The following TFEB variants were observed in gnomAD, a reference collection of about 807,000 sequenced individuals.
TFEB encodes transcription factor EB, also known as T-cell transcription factor EB.
TFEB carries 12 observed loss-of-function variants against 48.0 expected under a neutral mutation model. The ratio of observed to expected loss-of-function variants is 0.25; its 90% CI spans 0.16 to 0.40. The LOEUF is 0.40. Ranked by LOEUF, TFEB falls within the 10% of genes least tolerant of loss-of-function variation. The pLI is 1.00. For synonymous variants in TFEB, 244 were observed against 261.4 expected, an observed-to-expected ratio of 0.93 and a Z score of 0.64; for missense variants, 509 against 640.3, an observed-to-expected ratio of 0.79 and a Z score of 2.21.
chr6:41,726,629 T>C (rs11964074), intron 1 of TFEB, among the ~76,000 whole-genome samples: 6,593 of 152,162 alleles, frequency 0.043, 458 homozygotes, highest in African/African-American at 0.15. Flanking sequence ...TTAGTAGAGA[T>C]GGGGTTTCAC....
At chr6:41,711,223 G>C (rs1390558036) in intron 1 of TFEB, among the ~76,000 whole-genome samples, 18 of 152,172 alleles carry the variant, frequency 1.2e-4, no homozygotes, top group Admixed American at 1.2e-3. Flanking sequence ...TTACAAATGA[G>C]AAACAGGTAC....
At chr6:41,707,297 T>G (rs911523162) in intron 1 of TFEB, among the ~76,000 whole-genome samples, 1 of 152,172 alleles carries the variant, frequency 6.6e-6, no homozygotes, top group African/African-American at 2.4e-5. Context: ...CGGGCTGCCA[T>G]GGCTGGGCCT....
Position 41,684,508 on chromosome 6 carries a change from C to T in TFEB, c.*91G>A. On this transcript the variant is annotated 3_prime_UTR_variant, in exon 9 of 9. Coordinates refer to ENST00000373033, the MANE Select transcript of TFEB (RefSeq NM_001271944.2). ...AGGCAGGGCAGGTGGCTACTTCACACACAGTGCAGCCTGAAGGGTGGGAGG... is the reference window on the plus strand; with the variant it reads ...AGGCAGGGCAGGTGGCTACTTCACATACAGTGCAGCCTGAAGGGTGGGAGG... 7.0e-7 allele frequency: 1 copy of T among 1,434,516 alleles called. No homozygotes were observed. The highest frequency in any genetic ancestry group is 2.8e-5 in the Admixed American group (1 of 36,362). The allele number at this position is 1,434,516 out of a possible 1,614,324, so 88.9% of individuals were successfully genotyped here. A position where few individuals can be genotyped will look rare whatever the true frequency, so the allele number is the denominator to read the frequency against.
Position 41,684,904 on chromosome 6 carries a change from G to A in TFEB, c.1126C>T (p.Pro376Ser), listed in dbSNP as rs769115164. Residue 376 changes from proline to serine, a missense_variant, in exon 9 of 9, where the codon CCC becomes TCC. This residue lies in a region of TFEB where 168 missense variants were observed against 161.0 expected (regional missense o/e 1.04). Transcript: ENST00000373033. ...VPDPEPLPAL[P>S]PQAPLPLPTQ... ...GGCAGGGGCAGCGGGGCTTGCGGGGGCAGAGCTGGCAGTGGCTCAGGGTCA... is the reference window on the plus strand; with the variant it reads ...GGCAGGGGCAGCGGGGCTTGCGGGGACAGAGCTGGCAGTGGCTCAGGGTCA... The A allele has an allele frequency of 1.9e-6, 3 of 1,568,612 alleles. No individual in the cohort carries two copies. The highest frequency in any genetic ancestry group is 1.2e-5 in the South Asian group (1 of 83,824).
intron 1 of TFEB, among the ~76,000 whole-genome samples, chr6:41,710,669 G>T (rs573872922): frequency 6.6e-6 from 1 of 152,192 alleles, no homozygotes; most frequent in East Asian, 1.9e-4. Flanking sequence ...AAGTCCAAGC[G>T]CTCTAGTTGG....
upstream of TFEB, chr6:41,736,074 A>G (rs1269490168): frequency 6.9e-6 from 11 of 1,594,142 alleles, no homozygotes; most frequent in Non-Finnish European, 9.5e-6. Context: ...AGCCTGGCGA[A>G]GTACAGGGTA....
intron 1 of TFEB, among the ~76,000 whole-genome samples, chr6:41,695,775 C>CA (rs1162479020): frequency 1.3e-5 from 2 of 152,146 alleles, no homozygotes; most frequent in East Asian, 3.9e-4. Context: ...TCAGCTCTTA[C>CA]AGTGGGAATA....
intron 1 of TFEB, among the ~76,000 whole-genome samples, chr6:41,702,316 C>T (rs550143355): frequency 4.6e-5 from 7 of 152,258 alleles, no homozygotes; most frequent in East Asian, 1.9e-4. Flanking sequence ...ACGGTTAGCC[C>T]GCCTGAGAGC....
intron 3 of TFEB, 26 bp downstream of exon 3, chr6:41,690,637 T>TGGCC: frequency 2.0e-6 from 3 of 1,497,776 alleles, no homozygotes; most frequent in Non-Finnish European, 2.7e-6. Context: ...GCAAGCAGCA[T>TGGCC]GGCCACTGGC....
At chr6:41,733,433 T>C in intron 1 of TFEB, 1 of 208,458 alleles carries the variant, frequency 4.8e-6, no homozygotes, top group Non-Finnish European at 8.4e-6. Context: ...CAGAGCTGAG[T>C]TGAGGACAAA....
At chr6:41,696,693 CA>C (rs1196962940) in intron 1 of TFEB, among the ~76,000 whole-genome samples, 1 of 151,186 alleles carries the variant, frequency 6.6e-6, no homozygotes, top group Admixed American at 6.6e-5. Flanking sequence ...GACTCCATCT[CA>C]AAAAAAATAA....
chr6:41,726,822 A>C (rs1382428580), intron 1 of TFEB, among the ~76,000 whole-genome samples: 1 of 152,226 alleles, frequency 6.6e-6, no homozygotes, highest in East Asian at 1.9e-4. Context: ...TCACAATTTT[A>C]AAAGAAAGAA....
intron 1 of TFEB, chr6:41,732,729 G>A (rs1771506089): frequency 1.0e-6 from 1 of 985,856 alleles, no homozygotes; most frequent in Non-Finnish European, 1.2e-6. Context: ...CCTCTCAGAT[G>A]AGGATCCACA....
intron 1 of TFEB, among the ~76,000 whole-genome samples, chr6:41,712,508 GA>G (rs1029181559): frequency 2.0e-5 from 3 of 152,164 alleles, no homozygotes; most frequent in African/African-American, 7.2e-5. Flanking sequence ...TTCCTCCTCG[GA>G]GAACAGGACT....
intron 1 of TFEB, among the ~76,000 whole-genome samples, chr6:41,707,215 C>A (rs926827017): frequency 6.6e-6 from 1 of 152,204 alleles, no homozygotes; most frequent in African/African-American, 2.4e-5. Flanking sequence ...GTTCTCCTCC[C>A]AACAACACAC....
intron 1 of TFEB, among the ~76,000 whole-genome samples, chr6:41,694,592 C>T (rs1420582683): frequency 3.3e-5 from 5 of 152,060 alleles, no homozygotes; most frequent in Non-Finnish European, 7.4e-5. Flanking sequence ...GCTAATCCCC[C>T]CATCCTTAGC....
chr6:41,702,248 T>C (rs561600131), intron 1 of TFEB, among the ~76,000 whole-genome samples: 70 of 152,238 alleles, frequency 4.6e-4, no homozygotes, highest in African/African-American at 1.6e-3. Flanking sequence ...TTTTGCTAAA[T>C]AGCCAAGACA....
intron 1 of TFEB, chr6:41,732,516 A>G (rs1238291423): frequency 4.3e-6 from 4 of 922,608 alleles, no homozygotes. Context: ...ATCTTGTTTT[A>G]TTGTTACACT....
intron 1 of TFEB, among the ~76,000 whole-genome samples, chr6:41,714,122 T>TGC (rs1440369981): frequency 7.4e-6 from 1 of 134,786 alleles, no homozygotes; most frequent in African/African-American, 3.1e-5. Context: ...TGTGTGTGTG[T>TGC]GTGCGTGTGC....
Sources: allele counts gnomAD v4.1 joint callset (sites outside exome capture counted in the v4.1 genomes callset), GRCh38; gene constraint gnomAD v4.1.1; regional missense constraint gnomAD v4.1.1; transcripts MANE v1.5; gene names NCBI Gene and HGNC (gene_info 2026-07-23, HGNC 2026-07-21).